Variants in KIF18A observed in about 807,000 individuals in gnomAD.
KIF18A encodes the protein kinesin-like protein KIF18A.
KIF18A carries 67 observed loss-of-function variants against 103.3 expected under a neutral mutation model. That is an observed-to-expected ratio of 0.65 (90% CI 0.53 to 0.79). The LOEUF is 0.79. Among genes scored for constraint, KIF18A ranks in the 30% least tolerant of loss-of-function variants. The probability of loss-of-function intolerance (pLI) is 0.00; values close to 1 mark genes in which losing one functional copy is unlikely to be tolerated. For missense variants in KIF18A, 1,032 were observed against 1,062.5 expected, an observed-to-expected ratio of 0.97 and a Z score of 0.40; for synonymous variants, 367 against 355.5, an observed-to-expected ratio of 1.03 and a Z score of -0.36.
chr11:28,058,892 G>T (rs753626487), intron 13 of KIF18A, 34 bp downstream of exon 13: 3 of 1,456,696 alleles, frequency 2.1e-6, no homozygotes, highest in Non-Finnish European at 2.9e-6. Flanking sequence ...TAGAAATAAT[G>T]TTACTATTTA....
chr11:28,062,475 C>A lies in KIF18A; in HGVS notation c.1632G>T (p.Gln544His), dbSNP rs757787015. 1 of 1,611,618 alleles carries A rather than the reference C, an allele frequency of 6.2e-7. No individual in the cohort carries two copies. The highest frequency in any genetic ancestry group is 1.7e-5 in the Admixed American group (1 of 59,848). The stretch of plus-strand genomic sequence containing the variant: ...TAATTTGTGCTTTCAAATCTTTGTT[C>A]TGGAGGTGCAAATGGTGACAATGAA... ...KDLHCHHLHL[Q>H]NKDLKAQIRH... The change falls in exon 12 of 17, where the codon CAG becomes CAT. Residue 544 changes from glutamine (Q) to histidine (H), a missense_variant. Gln to His is a conservative substitution (Grantham distance 24). Transcript: ENST00000263181.
chr11:28,047,696 G>A (rs1292030649), intron 13 of KIF18A, among the ~76,000 whole-genome samples: 1 of 151,938 alleles, frequency 6.6e-6, no homozygotes, highest in African/African-American at 2.4e-5. Flanking sequence ...GTAATACAGA[G>A]TAATAACATA....
Position 28,023,820 on chromosome 11 carries a change from G to C in KIF18A, c.2535C>G (p.Asp845Glu). Residue 845 changes from aspartate (D) to glutamate (E), a missense_variant, in exon 16 of 17, where the codon GAC becomes GAG. Asp to Glu is a conservative substitution (Grantham distance 45). Coordinates refer to ENST00000263181, the MANE Select transcript of KIF18A (RefSeq NM_031217.4). The stretch of plus-strand genomic sequence containing the variant: ...CACGTTTGGCAAATCCAGAATTTAC[G>C]TCTGCAGTTAACGAACTGTTTGATG... ...SSTSNSSLTA[D>E]VNSGFAKRVR... The C allele has an allele frequency of 1.2e-6, 2 of 1,612,288 alleles. No homozygotes were observed. Among genetic ancestry groups the C allele is most frequent in the Non-Finnish European group, 1.7e-6 (2 of 1,178,698 alleles).
At chr11:28,081,295 C>A (rs1851162362) in intron 9 of KIF18A, among the ~76,000 whole-genome samples, 1 of 152,104 alleles carries the variant, frequency 6.6e-6, no homozygotes, top group African/African-American at 2.4e-5. Context: ...GAACAATATG[C>A]CATCTAGGAC....
At chr11:28,057,169 T>C (rs1454792657) in intron 13 of KIF18A, among the ~76,000 whole-genome samples, 2 of 152,038 alleles carry the variant, frequency 1.3e-5, no homozygotes, top group Non-Finnish European at 2.9e-5. Context: ...GAGCAAAGGA[T>C]ACCTGACAGG....
intron 10 of KIF18A, among the ~76,000 whole-genome samples, chr11:28,074,287 C>A (rs1233973106): frequency 6.6e-6 from 1 of 152,014 alleles, no homozygotes; most frequent in Non-Finnish European, 1.5e-5. Context: ...AAGTTCACAA[C>A]AACAAATTGA....
At chr11:28,089,664 G>A (rs1851276869) in intron 5 of KIF18A, among the ~76,000 whole-genome samples, 1 of 152,122 alleles carries the variant, frequency 6.6e-6, no homozygotes, top group South Asian at 2.1e-4. Flanking sequence ...GTTGTTGACT[G>A]AAATGTCGTT....
intron 15 of KIF18A, among the ~76,000 whole-genome samples, chr11:28,031,403 C>T (rs1467716054): frequency 6.6e-6 from 1 of 151,918 alleles, no homozygotes; most frequent in Non-Finnish European, 1.5e-5. Flanking sequence ...AAGCTGAAAA[C>T]CATCATTCTC....
At chr11:28,068,357 C>A (rs187246278) in intron 11 of KIF18A, among the ~76,000 whole-genome samples, 1 of 150,478 alleles carries the variant, frequency 6.6e-6, no homozygotes, top group Non-Finnish European at 1.5e-5. Flanking sequence ...TTGATAGGTG[C>A]AGCAAACCAC....
chr11:28,077,007 C>T lies in KIF18A; in HGVS notation c.1425G>A (p.Lys475=), dbSNP rs938134301. The stretch of plus-strand genomic sequence containing the variant: ...ATTTAATTATAAAATTGTTAATTAC[C>T]TTTTCTACTTTGTCTTCAGAACACA... ...EMMCSEDKVE[K]ATGKRDHRLA... The change falls in exon 10 of 17, where the codon AAG becomes AAA. Residue 475 remains lysine (K), a splice_region_variant and synonymous_variant. Coordinates refer to ENST00000263181, the MANE Select transcript of KIF18A (RefSeq NM_031217.4). 7 of 1,407,604 alleles carry T rather than the reference C, an allele frequency of 5.0e-6. No homozygotes were observed. In the Admixed American group the frequency reaches 7.7e-5, roughly 15 times the overall value. The allele number at this position is 1,407,604 out of a possible 1,614,324, so 87.2% of individuals were successfully genotyped here. A position where few individuals can be genotyped will look rare whatever the true frequency, so the allele number is the denominator to read the frequency against.
intron 2 of KIF18A, among the ~76,000 whole-genome samples, chr11:28,096,460 C>T (rs1276841065): frequency 6.6e-6 from 1 of 152,058 alleles, no homozygotes; most frequent in Non-Finnish European, 1.5e-5. Context: ...TAAGCTTATT[C>T]TTAAGCTGTC....
intron 15 of KIF18A, among the ~76,000 whole-genome samples, chr11:28,028,853 A>G (rs1378037108): frequency 6.6e-6 from 1 of 152,194 alleles, no homozygotes; most frequent in African/African-American, 2.4e-5. Context: ...GGATATCACC[A>G]CCGATCCCAC....
chr11:28,044,513 C>T (rs1850603585), intron 13 of KIF18A, among the ~76,000 whole-genome samples: 1 of 151,874 alleles, frequency 6.6e-6, no homozygotes, highest in African/African-American at 2.4e-5. Context: ...TTAAGGCATC[C>T]TATAAAAAAC....
At chr11:28,041,745 A>G (rs1054174235) in intron 13 of KIF18A, among the ~76,000 whole-genome samples, 5 of 151,892 alleles carry the variant, frequency 3.3e-5, no homozygotes, top group African/African-American at 1.2e-4. Flanking sequence ...AGCTTGGGTA[A>G]GAGTGGTAGG....
chr11:28,092,197 T>C (rs1590708940), intron 3 of KIF18A, among the ~76,000 whole-genome samples: 1 of 152,332 alleles, frequency 6.6e-6, no homozygotes, highest in East Asian at 1.9e-4. Context: ...GATGGCATGG[T>C]TCTTACTGTG....
Position 28,091,434 on chromosome 11 carries a change from A to C in KIF18A, c.563T>G (p.Val188Gly), listed in dbSNP as rs753415012. 1.2e-6 allele frequency: 2 copies of C among 1,607,442 alleles called. No homozygotes were observed. Among genetic ancestry groups the C allele is most frequent in the Non-Finnish European group, 1.7e-6 (2 of 1,174,460 alleles). ...CTGGTGTAAAGTAAGTCCATGAACG[A>C]CCACCCCTTTTTGGGTATCTTCCCG... Reference protein sequence around the residue: ...AVREDTQKGVVVHGLTLHQPK... With the variant: ...AVREDTQKGVGVHGLTLHQPK... The change falls in exon 4 of 17, where the codon GTC (valine) becomes GGC (glycine). Residue 188 changes from valine to glycine, a missense_variant. Coordinates refer to ENST00000263181, the MANE Select transcript of KIF18A (RefSeq NM_031217.4).
intron 1 of KIF18A, among the ~76,000 whole-genome samples, chr11:28,107,637 A>T (rs1851548762): frequency 6.6e-6 from 1 of 152,174 alleles, no homozygotes; most frequent in Non-Finnish European, 1.5e-5. Flanking sequence ...GCAGTGATGA[A>T]CAAAAGCTCC....
intron 13 of KIF18A, among the ~76,000 whole-genome samples, chr11:28,048,550 T>C (rs1295529812): frequency 1.3e-5 from 2 of 152,054 alleles, no homozygotes; most frequent in Non-Finnish European, 2.9e-5. Flanking sequence ...CACAAATGTA[T>C]GCTTAGAAAA....
chr11:28,103,771 T>C (rs1851473196), intron 1 of KIF18A, among the ~76,000 whole-genome samples: 1 of 151,998 alleles, frequency 6.6e-6, no homozygotes. Context: ...AGAAACAACA[T>C]ATTAGAGTAC....
Sources: allele counts gnomAD v4.1 joint callset (sites outside exome capture counted in the v4.1 genomes callset), GRCh38; gene constraint gnomAD v4.1.1; transcripts MANE v1.5; gene names NCBI Gene and HGNC (gene_info 2026-07-23, HGNC 2026-07-21).